Variants in PRELID2 observed in about 807,000 individuals in gnomAD.
The protein encoded by PRELID2 is PRELI domain-containing protein 2.
Under a neutral mutation model 28.4 loss-of-function variants are expected in PRELID2, and 25 were observed. The observed-to-expected ratio is 0.88, with a 90% CI of 0.64 to 1.23. The LOEUF (loss-of-function observed/expected upper bound fraction) is 1.23. PRELID2 is among the 50% of genes most tolerant of loss of function. The probability of loss-of-function intolerance (pLI) is 0.00; values close to 1 mark genes in which losing one functional copy is unlikely to be tolerated. For missense variants in PRELID2, 201 were observed against 214.4 expected, an observed-to-expected ratio of 0.94 and a Z score of 0.39; for synonymous variants, 76 against 71.6, an observed-to-expected ratio of 1.06 and a Z score of -0.31.
rs192216657 is a variant in PRELID2, at chr5:145,549,688, G to C, written n.71-76373C>G. On this transcript the variant is annotated intron_variant and non_coding_transcript_variant, in intron 1 of 2. Coordinates refer to the PRELID2 transcript ENST00000510259. ...CGGCTGCCTGTAGCCCCAGCTACTC[G>C]GGAGGCTGAGGCAGGAGAATGGCAT... 9.7e-3 allele frequency among the ~76,000 whole-genome samples: 1,472 copies of C among 152,078 alleles called. 7 individuals carry two copies. Among genetic ancestry groups the C allele is most frequent in the African/African-American group, 0.015 (618 of 41,474 alleles).
intron 1 of PRELID2, among the ~76,000 whole-genome samples, chr5:145,699,105 G>A (rs183276630): frequency 1.5e-3 from 228 of 152,150 alleles, no homozygotes; most frequent in African/African-American, 5.3e-3. Context: ...ACAAACATTC[G>A]GTCCATACCA....
intron 1 of PRELID2, among the ~76,000 whole-genome samples, chr5:145,642,821 T>G (rs540552657): frequency 5.1e-4 from 77 of 152,216 alleles, no homozygotes; most frequent in South Asian, 4.4e-3. Flanking sequence ...AGATCAGATG[T>G]TTGTAGATGT....
chr5:145,647,332 C>G (rs1754215075), intron 1 of PRELID2, among the ~76,000 whole-genome samples: 1 of 152,134 alleles, frequency 6.6e-6, no homozygotes, highest in Non-Finnish European at 1.5e-5. Context: ...AGTAAAACCG[C>G]CTACTCAAGC....
At position 145,758,764 on chromosome 5, in the gene PRELID2, A is replaced by G. The variant is rs185035925; in HGVS notation, c.*1772T>C. On this transcript the variant is annotated 3_prime_UTR_variant, in exon 7 of 7. Coordinates refer to ENST00000683046, the MANE Select transcript of PRELID2 (RefSeq NM_205846.3). ...GTCAAAGTGTGTTTTAGTTTCTACCATTATTTTTCCCTCCAACACAATTGA... is the reference window on the plus strand; with the variant it reads ...GTCAAAGTGTGTTTTAGTTTCTACCGTTATTTTTCCCTCCAACACAATTGA... 2.4e-4 allele frequency among the ~76,000 whole-genome samples: 36 copies of G among 152,312 alleles called. No homozygotes were observed. The highest frequency in any genetic ancestry group is 1.0e-3 in the Admixed American group (16 of 15,292).
In PRELID2 at chr5:145,697,177, A is replaced by G. The variant is rs927078614; in HGVS notation, n.70+67754T>C. ...TATAAATAAATACCTGATCAATAAT[A>G]TAAGACATATATTTGACTGGTATGG... On this transcript the variant is annotated intron_variant and non_coding_transcript_variant, in intron 1 of 2. Transcript: ENST00000510259. Among the ~76,000 whole-genome samples the G allele has an allele frequency of 2.0e-5, 3 of 150,864 alleles. No individual in the cohort carries two copies. In the South Asian group the frequency reaches 6.3e-4, roughly 32 times the overall value.
chr5:145,570,068 A>G (rs557842146), intron 1 of PRELID2, among the ~76,000 whole-genome samples: 1 of 152,282 alleles, frequency 6.6e-6, no homozygotes, highest in African/African-American at 2.4e-5. Flanking sequence ...CATTGGCATC[A>G]TCATCCAGAT....
At chr5:145,319,368 T>G in the PRELID2 span, among the ~76,000 whole-genome samples, 1 of 152,046 alleles carries the variant, frequency 6.6e-6, no homozygotes, top group African/African-American at 2.4e-5. Context: ...TTGTATGAAG[T>G]TAAAAAGTAA....
At chr5:145,370,089 TG>T in the PRELID2 span, among the ~76,000 whole-genome samples, 1 of 152,146 alleles carries the variant, frequency 6.6e-6, no homozygotes, top group Non-Finnish European at 1.5e-5. Flanking sequence ...AGTCTGATGC[TG>T]GTTTCTTTTG....
At chr5:145,385,980 C>G in the PRELID2 span, among the ~76,000 whole-genome samples, 22 of 151,940 alleles carry the variant, frequency 1.4e-4, 1 homozygote, top group South Asian at 3.5e-3. Context: ...GGAGGGACAA[C>G]GTGGGAGGTG....
intron 1 of PRELID2, among the ~76,000 whole-genome samples, chr5:145,704,500 A>C (rs1014425213): frequency 1.3e-5 from 2 of 152,220 alleles, no homozygotes; most frequent in African/African-American, 4.8e-5. Context: ...CATATTTGAC[A>C]AAGTACTACT....
the PRELID2 span, among the ~76,000 whole-genome samples, chr5:145,362,325 A>C: frequency 3.9e-5 from 6 of 152,150 alleles, no homozygotes; most frequent in African/African-American, 1.4e-4. Flanking sequence ...TTCAGGTTTC[A>C]TCTCGCATAG....
At chr5:145,379,159 G>T in the PRELID2 span, among the ~76,000 whole-genome samples, 5 of 152,252 alleles carry the variant, frequency 3.3e-5, no homozygotes, top group South Asian at 8.3e-4. Flanking sequence ...TCCCAACTTT[G>T]TTCTCTGGTT....
rs1328695707 is a variant in PRELID2 at position 145,600,451 on chromosome 5, A to ATATATATATATATATATATATATATG, written n.71-127137_71-127136insCATATATATATATATATATATATATA. 9.4e-5 allele frequency among the ~76,000 whole-genome samples: 13 copies of ATATATATATATATATATATATATATG among 138,342 alleles called. 1 individual carries two copies. Among genetic ancestry groups the ATATATATATATATATATATATATATG allele is most frequent in the African/African-American group, 3.7e-4 (12 of 32,436 alleles). 90.8% of individuals were successfully genotyped at this position (138,342 alleles called of 152,430 possible). Reference sequence around the variant, plus strand: ...AAAAAAAAAATATATATATATATATATATGTATCTCACAGGTGTGATGGGG... The same window carrying ATATATATATATATATATATATATATG: ...AAAAAAAAAATATATATATATATATATATATATATATATATATATATATATGTATGTATCTCACAGGTGTGATGGGG... On this transcript the variant is annotated intron_variant and non_coding_transcript_variant, in intron 1 of 2. Transcript: ENST00000510259.
chr5:145,616,160 C>G (rs193232791), intron 1 of PRELID2, among the ~76,000 whole-genome samples: 222 of 152,274 alleles, frequency 1.5e-3, no homozygotes, highest in African/African-American at 5.2e-3. Context: ...TGTTGTCTCA[C>G]AGCTCTTAAG....
intron 1 of PRELID2, among the ~76,000 whole-genome samples, chr5:145,661,755 T>G (rs1299373849): frequency 5.3e-5 from 8 of 151,294 alleles, no homozygotes; most frequent in Admixed American, 4.6e-4. Context: ...TAAGTTATTC[T>G]AAACAGCATG....
intron 1 of PRELID2, among the ~76,000 whole-genome samples, chr5:145,707,940 T>C (rs548162841): frequency 6.6e-6 from 1 of 152,298 alleles, no homozygotes; most frequent in Admixed American, 6.5e-5. Context: ...AATCTTGCCT[T>C]GTTCAAAGCT....
Position 145,828,971 on chromosome 5 carries a change from G to A in PRELID2, c.76-5837C>T, listed in dbSNP as rs180947064. Among the ~76,000 whole-genome samples, 711 of 151,170 alleles carry A rather than the reference G, an allele frequency of 4.7e-3. 9 individuals are homozygous for A. The highest frequency in any genetic ancestry group is 0.015 in the African/African-American group (602 of 41,116). ...TCCTAACTCAGCCTCCCGAGTACCT[G>A]GGACTACAGGTGTGTGCCACCATGC... is the stretch of plus-strand genomic sequence containing the variant. On this transcript the variant is annotated intron_variant, in intron 1 of 6. Coordinates refer to ENST00000683046, the MANE Select transcript of PRELID2 (RefSeq NM_205846.3).
chr5:145,787,382 G>A (rs995575516), intron 5 of PRELID2, among the ~76,000 whole-genome samples: 2 of 152,114 alleles, frequency 1.3e-5, no homozygotes, highest in Admixed American at 1.3e-4. Flanking sequence ...TTTGCGTTTG[G>A]AAATTTTTGG....
the PRELID2 span, among the ~76,000 whole-genome samples, chr5:145,240,188 T>C: frequency 6.6e-6 from 1 of 152,012 alleles, no homozygotes; most frequent in South Asian, 2.1e-4. Context: ...TGGCACTCTC[T>C]ACATTGAGCA....
Sources: gnomAD v4.1 joint callset for allele counts (sites outside exome capture counted in the v4.1 genomes callset) on GRCh38, gnomAD v4.1.1 for gene constraint, MANE v1.5 for transcripts, NCBI Gene and HGNC (gene_info 2026-07-23, HGNC 2026-07-21) for gene names.